The following TMPRSS11D variants were observed in gnomAD, a reference collection of about 807,000 sequenced individuals.
The protein encoded by TMPRSS11D is transmembrane serine protease 11D, also known as transmembrane protease serine 11D.
Under a neutral mutation model 44.4 loss-of-function variants are expected in TMPRSS11D, and 32 were observed. That is an observed-to-expected ratio of 0.72 (90% CI 0.54 to 0.97). The LOEUF (loss-of-function observed/expected upper bound fraction) is 0.97. TMPRSS11D is among the 50% of genes least tolerant of loss of function. TMPRSS11D has a pLI of 0.00. For missense variants in TMPRSS11D, 446 were observed against 502.6 expected, an observed-to-expected ratio of 0.89 and a Z score of 1.08; for synonymous variants, 179 against 177.9, an observed-to-expected ratio of 1.01 and a Z score of -0.05.
Position 67,867,929 on chromosome 4 carries a change from A to C in TMPRSS11D, c.9-8251T>G, listed in dbSNP as rs1003482672. On this transcript the variant is annotated intron_variant, in intron 1 of 9. Transcript: ENST00000283916. ...TGTGGAGACTTCTCAAATAATTAAA[A>C]ATAGAACTACCCTTTGATCCAGCAA... Among the ~76,000 whole-genome samples the C allele has an allele frequency of 2.0e-5, 3 of 152,288 alleles. No homozygotes were observed. In the Middle Eastern group the frequency reaches 0.01, roughly 518 times the overall value.
At chr4:67,880,075 C>T (rs1187615830) in intron 1 of TMPRSS11D, among the ~76,000 whole-genome samples, 2 of 152,012 alleles carry the variant, frequency 1.3e-5, no homozygotes, top group African/African-American at 2.4e-5. Flanking sequence ...GGAATATATC[C>T]GTGAATGGTG....
At chr4:67,858,604 C>T (rs1189459266) in intron 2 of TMPRSS11D, among the ~76,000 whole-genome samples, 1 of 151,980 alleles carries the variant, frequency 6.6e-6, no homozygotes, top group African/African-American at 2.4e-5. Context: ...AGCATTTTTG[C>T]CTGTTTACAA....
At chr4:67,845,171 A>G (rs1392547883) in intron 3 of TMPRSS11D, among the ~76,000 whole-genome samples, 2 of 152,232 alleles carry the variant, frequency 1.3e-5, no homozygotes, top group Admixed American at 1.3e-4. Flanking sequence ...GATAATAAGC[A>G]ACATAAAGAA....
At chr4:67,852,189 G>A (rs1718525666) in intron 3 of TMPRSS11D, among the ~76,000 whole-genome samples, 1 of 152,170 alleles carries the variant, frequency 6.6e-6, no homozygotes, top group Non-Finnish European at 1.5e-5. Flanking sequence ...GCTTCCCTGG[G>A]AAACTAACCT....
In TMPRSS11D at chr4:67,830,818, A is replaced by T. The variant is rs1480729133; in HGVS notation, c.692+2386T>A. Among the ~76,000 whole-genome samples, 5 of 152,112 alleles carry T rather than the reference A, an allele frequency of 3.3e-5. No individual in the cohort carries two copies. The East Asian group carries it at 7.7e-4, about 23-fold the overall frequency. On this transcript the variant is annotated intron_variant, in intron 7 of 9. Transcript: ENST00000283916. ...TATATTTAAATCTTGGCTATGCCAC[A>T]TATGAAAAGTGTTATTTATGACAAG...
At chr4:67,856,692 G>T (rs905494129) in intron 2 of TMPRSS11D, among the ~76,000 whole-genome samples, 2 of 152,000 alleles carry the variant, frequency 1.3e-5, no homozygotes, top group African/African-American at 4.8e-5. Context: ...AGAATGGAAA[G>T]ACAACCTATT....
At chr4:67,878,363 T>G (rs938164048) in intron 1 of TMPRSS11D, among the ~76,000 whole-genome samples, 3 of 152,242 alleles carry the variant, frequency 2.0e-5, no homozygotes, top group Admixed American at 6.5e-5. Flanking sequence ...GACTACCTTT[T>G]GCTCTACTGA....
intron 7 of TMPRSS11D, among the ~76,000 whole-genome samples, chr4:67,829,693 T>C (rs746720533): frequency 1.3e-4 from 20 of 151,976 alleles, no homozygotes; most frequent in African/African-American, 1.9e-4. Flanking sequence ...AGAAAAACCA[T>C]TGTAAAATAG....
chr4:67,878,499 G>C (rs936359359), intron 1 of TMPRSS11D, among the ~76,000 whole-genome samples: 2 of 152,118 alleles, frequency 1.3e-5, no homozygotes, highest in Admixed American at 1.3e-4. Context: ...ATGTATTTTA[G>C]TGTCTGTCTT....
intron 8 of TMPRSS11D, among the ~76,000 whole-genome samples, chr4:67,826,755 C>A (rs1419402100): frequency 8.3e-6 from 1 of 121,006 alleles, no homozygotes; most frequent in Non-Finnish European, 1.8e-5. Context: ...AAGAACCTGT[C>A]TGTAGAAAAA....
At chr4:67,827,586 A>C in intron 7 of TMPRSS11D, 66 bp from the exon 8 acceptor site, 1 of 1,479,802 alleles carries the variant, frequency 6.8e-7, no homozygotes, top group South Asian at 1.4e-5. Flanking sequence ...ATATAAATTC[A>C]TCTTAGCCAT....
At chr4:67,853,114 G>A (rs75644841) in intron 3 of TMPRSS11D, among the ~76,000 whole-genome samples, 1,801 of 152,264 alleles carry the variant, frequency 0.012, 31 homozygotes, top group African/African-American at 0.041. Flanking sequence ...ACATGAGAAG[G>A]TGCTTAGCTA....
At chr4:67,846,562 A>G (rs1718361624) in intron 3 of TMPRSS11D, among the ~76,000 whole-genome samples, 1 of 152,310 alleles carries the variant, frequency 6.6e-6, no homozygotes, top group Non-Finnish European at 1.5e-5. Context: ...AATTCATTAA[A>G]TCATGACACT....
chr4:67,847,095 G>A (rs564926308), intron 3 of TMPRSS11D, among the ~76,000 whole-genome samples: 6 of 152,166 alleles, frequency 3.9e-5, no homozygotes, highest in African/African-American at 1.2e-4. Flanking sequence ...GTAGAGATGG[G>A]GTTTCGCCAT....
intron 1 of TMPRSS11D, among the ~76,000 whole-genome samples, chr4:67,865,819 A>G (rs574119821): frequency 4.0e-5 from 6 of 151,872 alleles, no homozygotes; most frequent in Admixed American, 1.3e-4. Flanking sequence ...AAACAGACCA[A>G]TAATGAGTAG....
At chr4:67,865,403 A>G (rs750308467) in intron 1 of TMPRSS11D, among the ~76,000 whole-genome samples, 2 of 151,850 alleles carry the variant, frequency 1.3e-5, no homozygotes, top group Non-Finnish European at 2.9e-5. Context: ...TTAAATCCCA[A>G]TGATGTACCT....
At chr4:67,875,868 C>A (rs995215373) in intron 1 of TMPRSS11D, among the ~76,000 whole-genome samples, 5 of 152,170 alleles carry the variant, frequency 3.3e-5, no homozygotes, top group African/African-American at 9.7e-5. Context: ...GATTTGTTTT[C>A]TGCTGTATCT....
chr4:67,849,183 A>G (rs144398883), intron 3 of TMPRSS11D, among the ~76,000 whole-genome samples: 167 of 152,276 alleles, frequency 1.1e-3, no homozygotes, highest in African/African-American at 3.8e-3. Flanking sequence ...GATTTGGATA[A>G]CTGAATAAAT....
At position 67,833,396 on chromosome 4, in the gene TMPRSS11D, C is replaced by T; in HGVS notation, c.515-15G>A. On this transcript the variant is annotated splice_polypyrimidine_tract_variant and intron_variant, in intron 6 of 9. Transcript: ENST00000283916. ...GGCCCCACATTCTAATGAGAAAGGG[C>T]ATTAATGTGCTGGGAAGATCATGAT... The T allele has an allele frequency of 6.8e-7, 1 of 1,467,076 alleles. No homozygotes were observed. Among genetic ancestry groups the T allele is most frequent in the Middle Eastern group, 1.8e-4 (1 of 5,496 alleles). 90.9% of individuals were successfully genotyped at this position (1,467,076 alleles called of 1,614,324 possible).
Sources: gnomAD v4.1 joint callset for allele counts (sites outside exome capture counted in the v4.1 genomes callset) on GRCh38, gnomAD v4.1.1 for gene constraint, MANE v1.5 for transcripts, NCBI Gene and HGNC (gene_info 2026-07-23, HGNC 2026-07-21) for gene names.